The following NME8 variants were observed in gnomAD, a reference collection of about 807,000 sequenced individuals.
The protein encoded by NME8 is protein NME8.
A neutral mutation model predicts 82.3 loss-of-function variants in NME8; 72 were observed. That is an observed-to-expected ratio of 0.87 (90% CI 0.72 to 1.06). The LOEUF is 1.06. NME8 is among the 50% of genes least tolerant of loss of function. The pLI is 0.00. For synonymous variants in NME8, 267 were observed against 228.5 expected (o/e 1.17, Z -1.52); for missense variants, 712 against 685.4 (o/e 1.04, Z -0.43).
chr7:37,850,983 A>G (rs1171516172), intron 5 of NME8, among the ~76,000 whole-genome samples: 1 of 152,148 alleles, frequency 6.6e-6, no homozygotes, highest in Non-Finnish European at 1.5e-5. Context: ...GTAATAATGG[A>G]CACATCTATT....
chr7:37,884,211 C>T (rs2071550594), intron 12 of NME8, 92 bp from the exon 13 acceptor site: 2 of 895,912 alleles, frequency 2.2e-6, no homozygotes, highest in Non-Finnish European at 3.6e-6. Flanking sequence ...GAATAAAGTG[C>T]ATTGTATGCC....
Position 37,857,267 on chromosome 7 carries a change from T to G in NME8, c.199-7T>G. The G allele has an allele frequency of 6.2e-7, 1 of 1,605,486 alleles. No individual in the cohort carries two copies. The highest frequency in any genetic ancestry group is 1.7e-5 in the Admixed American group (1 of 59,894). Reference sequence around the variant, plus strand: ...TTATTATTATATGAAATGTTTACTTTTTCCAGGCAGAAGCTGACAACATTG... The same window carrying G: ...TTATTATTATATGAAATGTTTACTTGTTCCAGGCAGAAGCTGACAACATTG... On this transcript the variant is annotated splice_region_variant and splice_polypyrimidine_tract_variant and intron_variant, in intron 5 of 17. Transcript: ENST00000199447.
chr7:37,878,688 TA>T (rs1213492862), intron 12 of NME8, among the ~76,000 whole-genome samples: 1 of 152,198 alleles, frequency 6.6e-6, no homozygotes, highest in African/African-American at 2.4e-5. Context: ...AAATAGACTT[TA>T]CAGAACAGTT....
At chr7:37,882,603 GAGAGAGAGAGAGAAAGAA>G (rs1285215282) in intron 12 of NME8, among the ~76,000 whole-genome samples, 4 of 36,020 alleles carry the variant, frequency 1.1e-4, no homozygotes, top group Non-Finnish European at 3.1e-4. Flanking sequence ...AAGAAAGAGA[GAGAGAGAGAGAGAAAGAA>G]AGAAAGAAAG....
chr7:37,888,395 T>G lies in NME8; in HGVS notation c.1366T>G (p.Leu456Val), dbSNP rs1785075921. 2 of 1,613,240 alleles carry G rather than the reference T, an allele frequency of 1.2e-6. No homozygotes were observed. Among genetic ancestry groups the G allele is most frequent in the Admixed American group, 3.3e-5 (2 of 59,848 alleles). The change falls in exon 15 of 18, where the codon TTG (leucine) becomes GTG (valine). Residue 456 changes from leucine (L) to valine (V), a missense_variant. Coordinates refer to ENST00000199447, the MANE Select transcript of NME8 (RefSeq NM_016616.5). ...HFFPLQSTLG[L>V]IKPHATSEQR... ...CTTTCCTCTTCAAAGCACTTTAGGC[T>G]TGATTAAACCTCATGCAACAAGTGA...
At chr7:37,887,948 G>C (rs6462793) in intron 14 of NME8, among the ~76,000 whole-genome samples, 37,826 of 152,094 alleles carry the variant, frequency 0.25, 4,961 homozygotes, top group Middle Eastern at 0.31. Flanking sequence ...TCCTGCCCAT[G>C]ATTTGTGGGG....
chr7:37,875,611 T>A (rs1157267697), intron 11 of NME8, among the ~76,000 whole-genome samples: 1 of 151,658 alleles, frequency 6.6e-6, no homozygotes, highest in Non-Finnish European at 1.5e-5. Flanking sequence ...ACTTTTCTCA[T>A]CTATATTCTG....
chr7:37,889,723 C>T (rs1185337081), intron 15 of NME8, among the ~76,000 whole-genome samples: 2 of 151,900 alleles, frequency 1.3e-5, no homozygotes, highest in African/African-American at 4.8e-5. Context: ...TGTTGCCGAA[C>T]TACCATATGG....
intron 4 of NME8, 92 bp from the exon 5 acceptor site, chr7:37,850,537 A>G: frequency 6.6e-7 from 1 of 1,523,704 alleles, no homozygotes; most frequent in South Asian, 1.1e-5. Context: ...GAAATCCTGC[A>G]GTGCCTTTGC....
At chr7:37,899,510 A>ACACTAGAGCC (rs1406489893) in intron 17 of NME8, among the ~76,000 whole-genome samples, 5 of 151,942 alleles carry the variant, frequency 3.3e-5, no homozygotes, top group Non-Finnish European at 7.4e-5. Flanking sequence ...GGAACAACAC[A>ACACTAGAGCC]CACTAGAGCC....
At chr7:37,882,619 GAAAGAA>G (rs1238409191) in intron 12 of NME8, among the ~76,000 whole-genome samples, 1 of 86,784 alleles carries the variant, frequency 1.2e-5, no homozygotes, top group African/African-American at 3.4e-5. Flanking sequence ...GAGAGAGAAA[GAAAGAA>G]AGAAAGAAAG....
At position 37,859,112 on chromosome 7, in the gene NME8, C is replaced by T. The variant is rs140729668; in HGVS notation, c.270+1767C>T. On this transcript the variant is annotated intron_variant, in intron 6 of 17. Transcript: ENST00000199447. ...TTTGAGCCAAATAAATTTTTCTTTA[C>T]GAAGTTCCCAGCTTCGTGTACTCCT... Among the ~76,000 whole-genome samples, 888 of 152,186 alleles carry T rather than the reference C, an allele frequency of 5.8e-3. 6 individuals carry two copies. Among genetic ancestry groups the T allele is most frequent in the Non-Finnish European group, 9.4e-3 (636 of 67,984 alleles).
chr7:37,852,308 G>A (rs1197688224), intron 5 of NME8, among the ~76,000 whole-genome samples: 1 of 151,522 alleles, frequency 6.6e-6, no homozygotes, highest in African/African-American at 2.4e-5. Flanking sequence ...CCACATCAGA[G>A]TGGTACATTG....
chr7:37,864,367 T>G lies in NME8; in HGVS notation c.474T>G (p.Ala158=). 6.3e-7 allele frequency: 1 copy of G among 1,592,542 alleles called. No individual in the cohort carries two copies. Among genetic ancestry groups the G allele is most frequent in the South Asian group, 1.1e-5 (1 of 90,504 alleles). The stretch of plus-strand genomic sequence containing the variant: ...TTCCAGAGGAATTATACAGTATTGC[T>G]ATTATCAAACCGGATGCTGTGATTA... ...CESVQELYSI[A]IIKPDAVISK... Residue 158 remains alanine, a synonymous_variant, in exon 9 of 18, where the codon GCT becomes GCG. Transcript: ENST00000199447.
chr7:37,856,903 G>A (rs1486264235), intron 5 of NME8, among the ~76,000 whole-genome samples: 3 of 152,142 alleles, frequency 2.0e-5, no homozygotes, highest in Non-Finnish European at 4.4e-5. Context: ...TAGGTGCCTT[G>A]GGAGAGGGGC....
intron 11 of NME8, among the ~76,000 whole-genome samples, chr7:37,872,827 C>T (rs1784788635): frequency 1.3e-5 from 2 of 152,172 alleles, no homozygotes. Context: ...ATGCATTTGT[C>T]TGCCAATTGC....
intron 5 of NME8, among the ~76,000 whole-genome samples, chr7:37,853,813 T>C (rs1784471047): frequency 2.0e-5 from 3 of 152,042 alleles, no homozygotes; most frequent in African/African-American, 2.4e-5. Flanking sequence ...GAATGGTCAG[T>C]ATACAATTTT....
Position 37,862,089 on chromosome 7 carries a change from T to C in NME8, c.332T>C (p.Ile111Thr). 10 of 1,613,802 alleles carry C rather than the reference T, an allele frequency of 6.2e-6. No individual in the cohort carries two copies. Among genetic ancestry groups the C allele is most frequent in the Non-Finnish European group, 8.5e-6 (10 of 1,179,842 alleles). Reference sequence around the variant, plus strand: ...GCACCGCTTGTTAATAAAAAAGTTATTAATTTGATCGATGAGGAGAGAAAA... The same window carrying C: ...GCACCGCTTGTTAATAAAAAAGTTACTAATTTGATCGATGAGGAGAGAAAA... The part of the protein sequence containing the change: ...ANAPLVNKKV[I>T]NLIDEERKIA... Residue 111 changes from isoleucine to threonine, a missense_variant, in exon 7 of 18, where the codon ATT (isoleucine) becomes ACT (threonine). Ile to Thr is a moderately conservative substitution (Grantham distance 89). Coordinates refer to ENST00000199447, the MANE Select transcript of NME8 (RefSeq NM_016616.5).
chr7:37,875,176 G>A (rs77113930), intron 11 of NME8, among the ~76,000 whole-genome samples: 9,048 of 152,134 alleles, frequency 0.059, 376 homozygotes, highest in East Asian at 0.12. Flanking sequence ...AGGTTGAGTC[G>A]CTGTTGGAGA....
Sources: allele counts gnomAD v4.1 joint callset (sites outside exome capture counted in the v4.1 genomes callset), GRCh38; gene constraint gnomAD v4.1.1; transcripts MANE v1.5; gene names NCBI Gene and HGNC (gene_info 2026-07-23, HGNC 2026-07-21).